Variants in NCKAP5 observed in about 807,000 individuals in gnomAD.
NCKAP5 encodes nck-associated protein 5.
NCKAP5 carries 92 observed loss-of-function variants against 167.0 expected under a neutral mutation model. That is an observed-to-expected ratio of 0.55 (90% CI 0.47 to 0.66). The LOEUF (loss-of-function observed/expected upper bound fraction) is 0.66, where lower values mean the gene tolerates loss of function less well. Ranked by LOEUF, NCKAP5 falls within the 30% of genes least tolerant of loss-of-function variation. The pLI is 0.00. For synonymous variants in NCKAP5, 891 were observed against 877.4 expected, an observed-to-expected ratio of 1.02 and a Z score of -0.27; for missense variants, 2,378 against 2,315.0, an observed-to-expected ratio of 1.03 and a Z score of -0.56.
At chr2:132,946,566 G>A (rs1355303744) in intron 8 of NCKAP5, among the ~76,000 whole-genome samples, 1 of 152,124 alleles carries the variant, frequency 6.6e-6, no homozygotes, top group Non-Finnish European at 1.5e-5. Context: ...AACAAAAAAA[G>A]TGAACTCCAC....
chr2:133,368,738 A>G (rs1685608035), intron 3 of NCKAP5, among the ~76,000 whole-genome samples: 1 of 152,240 alleles, frequency 6.6e-6, no homozygotes, highest in African/African-American at 2.4e-5. Context: ...GGAAGCAATT[A>G]ACAAACATTA....
chr2:133,054,584 A>G (rs1464915915), intron 6 of NCKAP5, among the ~76,000 whole-genome samples: 1 of 152,218 alleles, frequency 6.6e-6, no homozygotes, highest in African/African-American at 2.4e-5. Flanking sequence ...GGGGAGGTAG[A>G]TGGAGTGAAG....
intron 2 of NCKAP5, among the ~76,000 whole-genome samples, chr2:133,546,020 T>A (rs1686633413): frequency 6.6e-6 from 1 of 152,194 alleles, no homozygotes; most frequent in Non-Finnish European, 1.5e-5. Flanking sequence ...TCTGGTTTTG[T>A]CTAACTGAAA....
chr2:132,972,657 C>T (rs534638090), intron 7 of NCKAP5, among the ~76,000 whole-genome samples: 25 of 151,878 alleles, frequency 1.6e-4, no homozygotes, highest in Middle Eastern at 3.4e-3. Flanking sequence ...GTCAAGAGAT[C>T]GAGATCATCT....
At position 132,781,198 on chromosome 2, in the gene NCKAP5, T is replaced by C; in HGVS notation, c.4903A>G (p.Ser1635Gly). 6.2e-7 allele frequency: 1 copy of C among 1,613,918 alleles called. No individual in the cohort carries two copies. Among genetic ancestry groups the C allele is most frequent in the Non-Finnish European group, 8.5e-7 (1 of 1,179,834 alleles). ...CTGCAGGAAGCATTACTTGATCCAC[T>C]TTCTGTCTGTGGAGCTGCTTTCTTA... ...VDKKAAPQTE[S>G]GSSNASCRNV... The change falls in exon 15 of 20, where the codon AGT becomes GGT. Residue 1635 changes from serine (S) to glycine (G), a missense_variant. Physicochemically the swap from Ser to Gly is moderately conservative, Grantham distance 56 (BLOSUM62 0). Coordinates refer to ENST00000409261, the MANE Select transcript of NCKAP5 (RefSeq NM_207363.3).
At chr2:133,556,573 A>T (rs923735316) in intron 2 of NCKAP5, among the ~76,000 whole-genome samples, 5 of 152,188 alleles carry the variant, frequency 3.3e-5, no homozygotes, top group African/African-American at 1.2e-4. Flanking sequence ...ACACTAAGAA[A>T]ATACTCATCT....
intron 7 of NCKAP5, among the ~76,000 whole-genome samples, chr2:132,965,708 A>C (rs749139642): frequency 2.6e-5 from 4 of 152,198 alleles, no homozygotes; most frequent in Non-Finnish European, 4.4e-5. Context: ...GGTACAGCCT[A>C]CTACACACCC....
chr2:133,149,396 C>A (rs2083305572), intron 5 of NCKAP5, among the ~76,000 whole-genome samples: 1 of 152,048 alleles, frequency 6.6e-6, no homozygotes, highest in Non-Finnish European at 1.5e-5. Context: ...CTTACTGGTG[C>A]TCTATGTTGG....
intron 11 of NCKAP5, among the ~76,000 whole-genome samples, chr2:132,837,962 G>C (rs1288376335): frequency 6.6e-6 from 1 of 152,162 alleles, no homozygotes; most frequent in Non-Finnish European, 1.5e-5. Context: ...AGGTGGAGGT[G>C]GGGAGGGGCC....
At position 132,768,336 on chromosome 2, in the gene NCKAP5, T is replaced by C. The variant is rs189220387; in HGVS notation, c.5128+5480A>G. Among the ~76,000 whole-genome samples the C allele has an allele frequency of 2.0e-5, 3 of 152,324 alleles. No homozygotes were observed. In the East Asian group the frequency reaches 5.8e-4, roughly 29 times the overall value. ...GTAGGGAATTAATTTTTATTATCAC[T>C]GGCTGATGTTTCCAGTACAAGACAA... On this transcript the variant is annotated intron_variant, in intron 16 of 19. Transcript: ENST00000409261.
chr2:133,228,232 A>C (rs757014813), intron 4 of NCKAP5, among the ~76,000 whole-genome samples: 1 of 152,230 alleles, frequency 6.6e-6, no homozygotes, highest in Non-Finnish European at 1.5e-5. Flanking sequence ...ACATGGGTCG[A>C]AAATTTATAC....
chr2:133,205,105 A>G (rs1320041709), intron 5 of NCKAP5, among the ~76,000 whole-genome samples: 1 of 151,968 alleles, frequency 6.6e-6, no homozygotes, highest in Non-Finnish European at 1.5e-5. Flanking sequence ...CCTGGGCAAC[A>G]TGGTGAAACC....
chr2:133,225,493 A>G (rs910861552), intron 4 of NCKAP5, among the ~76,000 whole-genome samples: 7 of 152,196 alleles, frequency 4.6e-5, no homozygotes, highest in African/African-American at 1.7e-4. Context: ...GAGTTGAAGG[A>G]GGTACTGATG....
intron 5 of NCKAP5, among the ~76,000 whole-genome samples, chr2:133,189,031 C>G (rs1161288561): frequency 3.3e-5 from 5 of 151,978 alleles, no homozygotes; most frequent in African/African-American, 1.2e-4. Flanking sequence ...AATTGATAGG[C>G]TACTAGCAAG....
intron 6 of NCKAP5, among the ~76,000 whole-genome samples, chr2:133,086,935 T>C (rs1190227772): frequency 6.6e-6 from 1 of 152,148 alleles, no homozygotes. Context: ...CAAACAGCAA[T>C]GCTATCATGT....
chr2:133,078,065 C>T (rs911497094), intron 6 of NCKAP5, among the ~76,000 whole-genome samples: 3 of 152,140 alleles, frequency 2.0e-5, no homozygotes, highest in Non-Finnish European at 4.4e-5. Context: ...CTTTAGGGTT[C>T]AGTTCCTCAG....
chr2:133,451,211 C>T (rs577693130), intron 3 of NCKAP5, among the ~76,000 whole-genome samples: 31 of 152,142 alleles, frequency 2.0e-4, no homozygotes, highest in African/African-American at 7.2e-4. Flanking sequence ...TAAGAGGGAC[C>T]CAGAAGCCAT....
chr2:133,380,471 A>G (rs1380984156), intron 3 of NCKAP5, among the ~76,000 whole-genome samples: 1 of 152,206 alleles, frequency 6.6e-6, no homozygotes, highest in Non-Finnish European at 1.5e-5. Flanking sequence ...ATCAACCAGT[A>G]TTTTTCCTCT....
chr2:133,605,140 G>A, the NCKAP5 span, among the ~76,000 whole-genome samples: 1 of 152,176 alleles, frequency 6.6e-6, no homozygotes, highest in Non-Finnish European at 1.5e-5. Context: ...CTCCTTAGCA[G>A]ACAGACACTG....
Sources: allele counts gnomAD v4.1 joint callset (sites outside exome capture counted in the v4.1 genomes callset), GRCh38; gene constraint gnomAD v4.1.1; transcripts MANE v1.5; gene names NCBI Gene and HGNC (gene_info 2026-07-23, HGNC 2026-07-21).